The following GGTA1 variants were observed in gnomAD, a reference collection of about 807,000 sequenced individuals.
GGTA1 encodes the protein inactive N-acetyllactosaminide alpha-1,3-galactosyltransferase.
A neutral mutation model predicts 2.6 loss-of-function variants in GGTA1; 5 were observed. That is an observed-to-expected ratio of 1.92 (90% CI 1.00 to 4.04). GGTA1 has a LOEUF of 4.04. Among genes scored for constraint, GGTA1 ranks in the 30% most tolerant of loss-of-function variants. The pLI is 0.00. For synonymous variants in GGTA1, 17 were observed against 5.0 expected, an observed-to-expected ratio of 3.38 and a Z score of -3.19; for missense variants, 50 against 16.7, an observed-to-expected ratio of 2.99 and a Z score of -3.47.
chr9:121,466,755 C>T (rs1488376360), intron 2 of GGTA1, among the ~76,000 whole-genome samples: 1 of 152,088 alleles, frequency 6.6e-6, no homozygotes, highest in East Asian at 1.9e-4. Context: ...GAGTTCAAGA[C>T]CAGCCTGGCC....
chr9:121,474,398 TA>T (rs1180348407), intron 1 of GGTA1, among the ~76,000 whole-genome samples: 1 of 152,236 alleles, frequency 6.6e-6, no homozygotes. Context: ...CAGATTATGC[TA>T]AAAATATAGA....
chr9:121,482,752 G>C (rs1305469157), intron 1 of GGTA1, among the ~76,000 whole-genome samples: 1 of 152,108 alleles, frequency 6.6e-6, no homozygotes, highest in Non-Finnish European at 1.5e-5. Flanking sequence ...CCGGGCAATA[G>C]AGCAAAACTC....
At chr9:121,482,817 C>T (rs570631795) in intron 1 of GGTA1, among the ~76,000 whole-genome samples, 2 of 151,212 alleles carry the variant, frequency 1.3e-5, no homozygotes, top group Non-Finnish European at 2.9e-5. Flanking sequence ...TGTGGTGGCA[C>T]GTGTTGTAGT....
intron 7 of GGTA1, among the ~76,000 whole-genome samples, chr9:121,448,634 A>T (rs1179892457): frequency 6.6e-6 from 1 of 152,258 alleles, no homozygotes. Context: ...AAAGAAATTT[A>T]AAAAAGGAAA....
At chr9:121,459,119 A>G (rs2064938496) in intron 5 of GGTA1, among the ~76,000 whole-genome samples, 1 of 152,212 alleles carries the variant, frequency 6.6e-6, no homozygotes, top group South Asian at 2.1e-4. Flanking sequence ...TTGCCAGAAC[A>G]TATTCAGTCT....
exon 8 of GGTA1, chr9:121,447,474 A>T (rs2064857490): frequency 6.6e-6 from 1 of 152,546 alleles, no homozygotes; most frequent in Non-Finnish European, 1.5e-5. Flanking sequence ...AATGCAGAGG[A>T]CCCAGCTCTA....
At chr9:121,449,057 C>T (rs567479987) in intron 7 of GGTA1, among the ~76,000 whole-genome samples, 1 of 152,354 alleles carries the variant, frequency 6.6e-6, no homozygotes, top group Non-Finnish European at 1.5e-5. Flanking sequence ...GTCATATAAG[C>T]ACACAGCATG....
At chr9:121,473,012 A>G (rs1356265620) in intron 1 of GGTA1, among the ~76,000 whole-genome samples, 1 of 152,112 alleles carries the variant, frequency 6.6e-6, no homozygotes, top group Admixed American at 6.5e-5. Context: ...TGCTGTGGTC[A>G]ATCGTTACTC....
downstream of GGTA1, among the ~76,000 whole-genome samples, chr9:121,451,685 G>A (rs554496321): frequency 1.6e-4 from 24 of 152,330 alleles, no homozygotes; most frequent in Non-Finnish European, 2.8e-4. Context: ...GTGTTCCAGC[G>A]TGGAAAGCCA....
chr9:121,447,397 A>G (rs1207745298), exon 8 of GGTA1: 1 of 152,554 alleles, frequency 6.6e-6, no homozygotes, highest in African/African-American at 2.4e-5. Flanking sequence ...CTCCCCAGTG[A>G]TCTTCATACG....
chr9:121,471,180 C>A (rs1230555809), intron 1 of GGTA1, among the ~76,000 whole-genome samples: 1 of 152,230 alleles, frequency 6.6e-6, no homozygotes, highest in East Asian at 1.9e-4. Flanking sequence ...CAGCCACACA[C>A]CAAATGTCAT....
intron 1 of GGTA1, among the ~76,000 whole-genome samples, chr9:121,497,024 C>G (rs1044038272): frequency 1.3e-5 from 2 of 151,934 alleles, no homozygotes; most frequent in African/African-American, 4.8e-5. Flanking sequence ...GAAACCCTGT[C>G]TCTACTAAAA....
At chr9:121,450,373 G>A (rs900791093), downstream of GGTA1, among the ~76,000 whole-genome samples, 4 of 152,074 alleles carry the variant, frequency 2.6e-5, no homozygotes, top group Admixed American at 6.6e-5. Flanking sequence ...TCATTTTGAG[G>A]TTTCACATTG....
intron 3 of GGTA1, 148 bp downstream of exon 3, chr9:121,463,145 A>G (rs977903226): frequency 9.7e-6 from 4 of 413,932 alleles, no homozygotes; most frequent in Admixed American, 7.0e-5. Flanking sequence ...TGCAGAAATA[A>G]CATTCCAGAT....
intron 2 of GGTA1, among the ~76,000 whole-genome samples, chr9:121,465,064 G>C (rs2064995435): frequency 6.6e-6 from 1 of 151,414 alleles, no homozygotes; most frequent in African/African-American, 2.4e-5. Flanking sequence ...ATGTTCAAGT[G>C]GATTCTGCAC....
chr9:121,489,791 G>A (rs1828837257), intron 1 of GGTA1, among the ~76,000 whole-genome samples: 1 of 152,188 alleles, frequency 6.6e-6, no homozygotes, highest in South Asian at 2.1e-4. Context: ...CAACTCTCCT[G>A]GGGATGTGTG....
At chr9:121,467,953 G>GA (rs1330896299) in intron 1 of GGTA1, 22 bp from the exon 2 acceptor site, 1 of 446,902 alleles carries the variant, frequency 2.2e-6, no homozygotes, top group Non-Finnish European at 4.5e-6. Flanking sequence ...GAAGAGGGGA[G>GA]AAAAAAAGAG....
chr9:121,497,985 A>G (rs866940535), intron 1 of GGTA1, among the ~76,000 whole-genome samples: 19 of 152,234 alleles, frequency 1.2e-4, no homozygotes, highest in Admixed American at 3.9e-4. Context: ...TGGCCACTAG[A>G]GAAGTTTGCC....
At chr9:121,497,425 G>A (rs1589341058) in intron 1 of GGTA1, among the ~76,000 whole-genome samples, 2 of 152,060 alleles carry the variant, frequency 1.3e-5, no homozygotes, top group African/African-American at 2.4e-5. Context: ...GTGATGTAAT[G>A]GAAAAAGCAC....
Sources: gnomAD v4.1 joint callset for allele counts (sites outside exome capture counted in the v4.1 genomes callset) on GRCh38, gnomAD v4.1.1 for gene constraint, MANE v1.5 for transcripts, NCBI Gene and HGNC (gene_info 2026-07-23, HGNC 2026-07-21) for gene names.